TRARG1: variants seen among roughly 807,000 people sequenced by gnomAD.
TRARG1 encodes the protein trafficking regulator of GLUT4 1.
Under a neutral mutation model 13.3 loss-of-function variants are expected in TRARG1, and 16 were observed. That is an observed-to-expected ratio of 1.20 (90% CI 0.81 to 1.83). TRARG1 has a LOEUF of 1.83. Ranked by LOEUF, TRARG1 falls within the 40% of genes most tolerant of loss-of-function variation. The probability of loss-of-function intolerance (pLI) is 0.00; values close to 1 mark genes in which losing one functional copy is unlikely to be tolerated. For missense variants in TRARG1, 250 were observed against 237.4 expected (o/e 1.05, Z -0.35); for synonymous variants, 113 against 106.2 (o/e 1.06, Z -0.39).
chr17:1,280,001 C>A lies in TRARG1; in HGVS notation c.-1C>A, dbSNP rs775046640. 2 of 1,609,340 alleles carry A rather than the reference C, an allele frequency of 1.2e-6. No individual in the cohort carries two copies. Among genetic ancestry groups the A allele is most frequent in the Non-Finnish European group, 1.7e-6 (2 of 1,177,786 alleles). On this transcript the variant is annotated 5_prime_UTR_variant, in exon 1 of 3. Transcript: ENST00000333813. The stretch of plus-strand genomic sequence containing the variant: ...TGCAGCCGCGCAAGGCCCAGGCCCC[C>A]ATGGCCCACCCGGTGCAGTCCGAGT...
chr17:1,282,694 G>C (rs1231609940), intron 1 of TRARG1, among the ~76,000 whole-genome samples: 1 of 145,002 alleles, frequency 6.9e-6, no homozygotes, highest in Non-Finnish European at 1.5e-5. Flanking sequence ...TAAAGGTTTT[G>C]TTTTGTTTTA....
At chr17:1,295,972 A>G (rs1035144519) in intron 2 of TRARG1, among the ~76,000 whole-genome samples, 3 of 152,202 alleles carry the variant, frequency 2.0e-5, no homozygotes, top group Non-Finnish European at 4.4e-5. Flanking sequence ...TCCTGGTATC[A>G]AGTGGCAGGA....
At chr17:1,280,788 C>T (rs538574781) in intron 1 of TRARG1, among the ~76,000 whole-genome samples, 40 of 152,272 alleles carry the variant, frequency 2.6e-4, no homozygotes, top group African/African-American at 8.9e-4. Context: ...TTGCACCGGA[C>T]GGGGGTCCCA....
chr17:1,282,081 T>C (rs1200999364), intron 1 of TRARG1, among the ~76,000 whole-genome samples: 3 of 151,102 alleles, frequency 2.0e-5, no homozygotes, highest in African/African-American at 4.9e-5. Context: ...TATATACATA[T>C]ATGTACATAT....
At chr17:1,289,452 C>T (rs1469190138) in intron 1 of TRARG1, among the ~76,000 whole-genome samples, 1 of 140,344 alleles carries the variant, frequency 7.1e-6, no homozygotes, top group African/African-American at 2.7e-5. Context: ...CCTCATCCCC[C>T]ACCGGCTCCT....
chr17:1,300,449 TACACACAC>T lies in TRARG1; in HGVS notation c.*2202_*2209del, dbSNP rs10625360. 2.0e-5 allele frequency: 3 copies of T among 149,480 alleles called. No homozygotes were observed. The highest frequency in any genetic ancestry group is 4.5e-5 in the Non-Finnish European group (3 of 67,188). The allele number at this position is 149,480 out of a possible 1,614,324, so 9.3% of individuals were successfully genotyped here. A position where few individuals can be genotyped will look rare whatever the true frequency, so the allele number is the denominator to read the frequency against. ...ACAAATAGGCTCTGCCGTGCACTCC[TACACACAC>T]ACACACACACACACACGCTTGTTCA... On this transcript the variant is annotated 3_prime_UTR_variant, in exon 3 of 3. Coordinates refer to ENST00000333813, the MANE Select transcript of TRARG1 (RefSeq NM_172367.3).
intron 1 of TRARG1, among the ~76,000 whole-genome samples, chr17:1,290,367 C>T (rs2072061004): frequency 6.6e-6 from 1 of 152,202 alleles, no homozygotes; most frequent in African/African-American, 2.4e-5. Context: ...GTGATCTCAG[C>T]TCACTGCAGC....
intron 1 of TRARG1, among the ~76,000 whole-genome samples, chr17:1,290,169 T>C (rs1377874909): frequency 6.6e-6 from 1 of 151,862 alleles, no homozygotes; most frequent in Admixed American, 6.6e-5. Flanking sequence ...CTCCACCCCG[T>C]ACTCTACACA....
chr17:1,290,998 C>T (rs896052789), intron 1 of TRARG1, among the ~76,000 whole-genome samples: 1 of 151,992 alleles, frequency 6.6e-6, no homozygotes, highest in South Asian at 2.1e-4. Flanking sequence ...CTCCACCTCC[C>T]GGGTTCCAGC....
chr17:1,292,844 CA>C (rs1251568875), intron 1 of TRARG1, among the ~76,000 whole-genome samples: 1 of 152,190 alleles, frequency 6.6e-6, no homozygotes, highest in Non-Finnish European at 1.5e-5. Context: ...GCCAGTGGGC[CA>C]GAAGTTCTGT....
intron 1 of TRARG1, among the ~76,000 whole-genome samples, chr17:1,287,102 G>A (rs79563593): frequency 0.014 from 2,058 of 151,992 alleles, 45 homozygotes; most frequent in African/African-American, 0.047. Flanking sequence ...GGGGCCATGG[G>A]CTGAGAGAAG....
chr17:1,280,158 C>A lies in TRARG1; in HGVS notation c.157C>A (p.Leu53Met). The A allele has an allele frequency of 6.2e-7, 1 of 1,614,030 alleles. No homozygotes were observed. Among genetic ancestry groups the A allele is most frequent in the Admixed American group, 1.7e-5 (1 of 60,024 alleles). Reference sequence around the variant, plus strand: ...CAAGACCCTCTCGGGGCCTCTGGATCTGGAGCAGAACAGCCAGGGCCTACC... The same window carrying A: ...CAAGACCCTCTCGGGGCCTCTGGATATGGAGCAGAACAGCCAGGGCCTACC... ...LSKTLSGPLD[L>M]EQNSQGLPFK... The change falls in exon 1 of 3, where the codon CTG becomes ATG. Residue 53 changes from leucine (L) to methionine (M), a missense_variant. By Grantham distance (15) the Leu-to-Met change is conservative. Transcript: ENST00000333813.
intron 1 of TRARG1, among the ~76,000 whole-genome samples, chr17:1,287,330 TTC>T (rs1356328930): frequency 6.6e-6 from 1 of 151,956 alleles, no homozygotes; most frequent in Admixed American, 6.6e-5. Context: ...CAGTTCCAAA[TTC>T]TTTTTGTTGT....
At chr17:1,284,120 A>C in intron 1 of TRARG1, among the ~76,000 whole-genome samples, 1 of 147,370 alleles carries the variant, frequency 6.8e-6, no homozygotes, top group South Asian at 2.2e-4. Flanking sequence ...GTCTCAAAAA[A>C]AAAAAGAAAG....
In TRARG1 at chr17:1,279,912, C is replaced by T. The variant is rs1048568074; in HGVS notation, c.-90C>T. The T allele has an allele frequency of 3.6e-5, 53 of 1,473,832 alleles. 1 individual carries two copies. The African/African-American group carries it at 6.8e-4, about 19-fold the overall frequency. 91.3% of individuals were successfully genotyped at this position (1,473,832 alleles called of 1,614,324 possible). A position where few individuals can be genotyped will look rare whatever the true frequency, so the allele number is the denominator to read the frequency against. Reference sequence around the variant, plus strand: ...CGCCCCTGCCCCCGACCTGGAGGCCCTCAGTCTGGGCTGGGGAATGGCGCG... The same window carrying T: ...CGCCCCTGCCCCCGACCTGGAGGCCTTCAGTCTGGGCTGGGGAATGGCGCG... On this transcript the variant is annotated 5_prime_UTR_variant, in exon 1 of 3. Coordinates refer to ENST00000333813, the MANE Select transcript of TRARG1 (RefSeq NM_172367.3).
intron 1 of TRARG1, among the ~76,000 whole-genome samples, chr17:1,286,500 AGCCTGTGGGGTGTTATCG>A (rs2072023804): frequency 1.2e-5 from 1 of 85,642 alleles, no homozygotes; most frequent in African/African-American, 4.1e-5. Context: ...TGTTTTTATC[AGCCTGTGGGGTGTTATCG>A]GCCTGTGGGG....
chr17:1,290,676 C>T (rs771164650), intron 1 of TRARG1, among the ~76,000 whole-genome samples: 3 of 152,072 alleles, frequency 2.0e-5, no homozygotes, highest in Non-Finnish European at 2.9e-5. Context: ...GTGCTCTGCC[C>T]CCATCTCTTC....
chr17:1,291,097 G>A (rs1478762867), intron 1 of TRARG1, among the ~76,000 whole-genome samples: 3 of 152,014 alleles, frequency 2.0e-5, no homozygotes, highest in Admixed American at 6.6e-5. Context: ...GTAGAGACGG[G>A]GTTTCACCAT....
At chr17:1,296,516 C>CTT (rs5818791) in intron 2 of TRARG1, among the ~76,000 whole-genome samples, 200 of 136,550 alleles carry the variant, frequency 1.5e-3, no homozygotes, top group East Asian at 0.013. Context: ...TTTTCTCTTT[C>CTT]TTTTTTTTTT....
Sources: gnomAD v4.1 joint callset for allele counts (sites outside exome capture counted in the v4.1 genomes callset) on GRCh38, gnomAD v4.1.1 for gene constraint, MANE v1.5 for transcripts, NCBI Gene and HGNC (gene_info 2026-07-23, HGNC 2026-07-21) for gene names.